The following ETNPPL variants were observed in gnomAD, a reference collection of about 807,000 sequenced individuals.
ETNPPL encodes the protein ethanolamine-phosphate phospho-lyase.
ETNPPL carries 30 observed loss-of-function variants against 55.5 expected under a neutral mutation model. That is an observed-to-expected ratio of 0.54 (90% CI 0.40 to 0.73). The LOEUF (loss-of-function observed/expected upper bound fraction) is 0.73, where lower values mean the gene tolerates loss of function less well. Among genes scored for constraint, ETNPPL ranks in the 30% least tolerant of loss-of-function variants. The probability of loss-of-function intolerance (pLI) is 0.00; values close to 1 mark genes in which losing one functional copy is unlikely to be tolerated. For missense variants in ETNPPL, 528 were observed against 607.9 expected, an observed-to-expected ratio of 0.87 and a Z score of 1.38; for synonymous variants, 202 against 207.2, an observed-to-expected ratio of 0.98 and a Z score of 0.21.
At chr4:108,758,156 T>C (rs1729315478) in intron 3 of ETNPPL, among the ~76,000 whole-genome samples, 1 of 151,866 alleles carries the variant, frequency 6.6e-6, no homozygotes, top group African/African-American at 2.4e-5. Context: ...CACGTGCAGC[T>C]AATTTTTGTA....
intron 1 of ETNPPL, 41 bp from the exon 2 acceptor site, chr4:108,760,347 ACTCTCAGTAT>A: frequency 8.7e-7 from 1 of 1,142,980 alleles, no homozygotes; most frequent in Non-Finnish European, 1.3e-6. Flanking sequence ...TGGTAGGACT[ACTCTCAGTAT>A]TTTTCCTTCT....
In ETNPPL at chr4:108,759,926, A is replaced by G. The variant is rs76607863; in HGVS notation, c.176-18T>C. The G allele has an allele frequency of 1.5e-3, 2,410 of 1,609,898 alleles. 38 individuals carry two copies. The African/African-American group carries it at 0.029, about 19-fold the overall frequency. ...GTGTCCCACTAAAATTTATGAAACAAAAGCCCAAGAAATAAGTTAGAATTC... is the reference window on the plus strand; with the variant it reads ...GTGTCCCACTAAAATTTATGAAACAGAAGCCCAAGAAATAAGTTAGAATTC... On this transcript the variant is annotated intron_variant, in intron 2 of 12. Transcript: ENST00000296486.
intron 1 of ETNPPL, 145 bp from the exon 2 acceptor site, chr4:108,760,451 T>C: frequency 5.9e-6 from 3 of 510,066 alleles, no homozygotes; most frequent in Non-Finnish European, 1.1e-5. Flanking sequence ...TTTCTTTTCA[T>C]TTCATGTAAA....
intron 9 of ETNPPL, among the ~76,000 whole-genome samples, chr4:108,747,530 G>C (rs1433597940): frequency 6.6e-6 from 1 of 151,098 alleles, no homozygotes; most frequent in Non-Finnish European, 1.5e-5. Context: ...AAACTCCTGG[G>C]CTCAAGCAAT....
At chr4:108,762,271 T>C (rs1729540509) in intron 1 of ETNPPL, 3 of 441,810 alleles carry the variant, frequency 6.8e-6, no homozygotes, top group African/African-American at 4.1e-5. Flanking sequence ...GCAAGTTGGG[T>C]AAGAGGGATC....
At chr4:108,756,596 A>G (rs75900639) in intron 3 of ETNPPL, 104 bp from the exon 4 acceptor site, 115,288 of 840,690 alleles carry the variant, frequency 0.14, 12,709 homozygotes, top group East Asian at 0.5. Flanking sequence ...TAGCGCTTTG[A>G]GAGGCCAAGG....
intron 11 of ETNPPL, among the ~76,000 whole-genome samples, 175 bp downstream of exon 11, chr4:108,746,224 T>C (rs112306939): frequency 2.0e-5 from 3 of 152,350 alleles, no homozygotes; most frequent in African/African-American, 7.2e-5. Flanking sequence ...GTCCATGTAG[T>C]TACTTTTCAG....
chr4:108,745,205 G>A (rs1261265172), intron 11 of ETNPPL, among the ~76,000 whole-genome samples: 1 of 151,966 alleles, frequency 6.6e-6, no homozygotes, highest in Non-Finnish European at 1.5e-5. Flanking sequence ...ATATTTTTAT[G>A]ATAGACTATA....
intron 11 of ETNPPL, among the ~76,000 whole-genome samples, chr4:108,745,319 G>A (rs943590960): frequency 2.6e-5 from 4 of 151,992 alleles, no homozygotes; most frequent in South Asian, 2.1e-4. Context: ...AATTAAGGCC[G>A]GGTGCAGTGG....
At chr4:108,756,529 A>G (rs1231608825) in intron 3 of ETNPPL, 37 bp from the exon 4 acceptor site, 3 of 1,494,150 alleles carry the variant, frequency 2.0e-6, no homozygotes, top group South Asian at 1.1e-5. Flanking sequence ...ACACTGTGAC[A>G]GTCTCTTTTT....
chr4:108,751,096 G>C (rs757926600), intron 6 of ETNPPL, 78 bp from the exon 7 acceptor site: 19 of 980,618 alleles, frequency 1.9e-5, no homozygotes, highest in Admixed American at 1.8e-4. Context: ...TTATAGAGCA[G>C]GTTATTTTAA....
At position 108,753,973 on chromosome 4, in the gene ETNPPL, C is replaced by CTTTT. The variant is rs1213568977; in HGVS notation, c.501+643_501+646dup. Among the ~76,000 whole-genome samples, 523 of 122,730 alleles carry CTTTT rather than the reference C, an allele frequency of 4.3e-3. 6 individuals carry two copies. The highest frequency in any genetic ancestry group is 6.6e-3 in the Non-Finnish European group (390 of 58,904). The allele number at this position is 122,730 out of a possible 152,430, so 80.5% of individuals were successfully genotyped here. A position where few individuals can be genotyped will look rare whatever the true frequency, so the allele number is the denominator to read the frequency against. ...TACAGAGCAATTTACTTTTTCTTTTCTTTTTTTTTTTTTTTTTTGAGATGG... is the reference window on the plus strand; with the variant it reads ...TACAGAGCAATTTACTTTTTCTTTTCTTTTTTTTTTTTTTTTTTTTTTGAGATGG... On this transcript the variant is annotated intron_variant, in intron 5 of 12. Transcript: ENST00000296486.
intron 4 of ETNPPL, among the ~76,000 whole-genome samples, chr4:108,756,008 C>G (rs1046356170): frequency 2.0e-5 from 3 of 152,194 alleles, no homozygotes; most frequent in Non-Finnish European, 4.4e-5. Flanking sequence ...AAATTGTTAT[C>G]TTTAAAATTA....
chr4:108,762,269 G>T, intron 1 of ETNPPL: 1 of 441,474 alleles, frequency 2.3e-6, no homozygotes, highest in Non-Finnish European at 4.5e-6. Flanking sequence ...GAGCAAGTTG[G>T]GTAAGAGGGA....
chr4:108,760,879 C>T (rs1390040799), intron 1 of ETNPPL, among the ~76,000 whole-genome samples: 1 of 152,164 alleles, frequency 6.6e-6, no homozygotes, highest in Non-Finnish European at 1.5e-5. Flanking sequence ...AGGTAGACAT[C>T]TCTGTTTCCC....
Position 108,762,835 on chromosome 4 carries a change from G to T in ETNPPL, c.56+8C>A, listed in dbSNP as rs775063648. On this transcript the variant is annotated splice_region_variant and intron_variant, in intron 1 of 12. Transcript: ENST00000296486. The stretch of plus-strand genomic sequence containing the variant: ...TCTGCACTTACTTCCGGGCCAGGGT[G>T]CCCTTACCCGATGTGCTTCTTCCTC... 6.2e-7 allele frequency: 1 copy of T among 1,613,900 alleles called. No homozygotes were observed. Among genetic ancestry groups the T allele is most frequent in the South Asian group, 1.1e-5 (1 of 91,090 alleles).
intron 3 of ETNPPL, among the ~76,000 whole-genome samples, chr4:108,759,127 TG>T (rs752368748): frequency 1.5e-4 from 23 of 152,242 alleles, no homozygotes; most frequent in Non-Finnish European, 2.4e-4. Flanking sequence ...ATGTTTGTAT[TG>T]GGGAAATATG....
At chr4:108,749,711 C>A (rs1323087125) in intron 7 of ETNPPL, among the ~76,000 whole-genome samples, 1 of 151,816 alleles carries the variant, frequency 6.6e-6, no homozygotes, top group Non-Finnish European at 1.5e-5. Flanking sequence ...AGCTATATTG[C>A]AGTATTTTTT....
chr4:108,747,883 C>A, intron 9 of ETNPPL, 122 bp downstream of exon 9: 1 of 761,740 alleles, frequency 1.3e-6, no homozygotes, highest in South Asian at 1.8e-5. Flanking sequence ...TGTGTGCCAC[C>A]ACACCTGGCT....
Sources: allele counts gnomAD v4.1 joint callset (sites outside exome capture counted in the v4.1 genomes callset), GRCh38; gene constraint gnomAD v4.1.1; transcripts MANE v1.5; gene names NCBI Gene and HGNC (gene_info 2026-07-23, HGNC 2026-07-21).